The following SHISAL1 variants were observed in gnomAD, a reference collection of about 807,000 sequenced individuals.
SHISAL1 encodes protein shisa-like-1.
A neutral mutation model predicts 22.6 loss-of-function variants in SHISAL1; 9 were observed. The observed-to-expected ratio is 0.40, with a 90% CI of 0.24 to 0.70. The LOEUF is 0.70. SHISAL1 is among the 30% of genes least tolerant of loss of function. The pLI is 0.39. For missense variants in SHISAL1, 246 were observed against 270.6 expected (o/e 0.91, Z 0.64); for synonymous variants, 119 against 115.4 (o/e 1.03, Z -0.20).
chr22:44,330,807 G>C, the SHISAL1 span, among the ~76,000 whole-genome samples: 1 of 152,166 alleles, frequency 6.6e-6, no homozygotes, highest in African/African-American at 2.4e-5. Flanking sequence ...CCGCCGGGCC[G>C]GGCCACCCCA....
At chr22:44,292,861 C>T (rs1193798778) in intron 3 of SHISAL1, among the ~76,000 whole-genome samples, 1 of 152,234 alleles carries the variant, frequency 6.6e-6, no homozygotes, top group Non-Finnish European at 1.5e-5. Context: ...TCAGTGGGGT[C>T]CAGGTCTGGC....
chr22:44,266,211 T>C (rs1205399066), intron 4 of SHISAL1, among the ~76,000 whole-genome samples: 1 of 152,156 alleles, frequency 6.6e-6, no homozygotes, highest in African/African-American at 2.4e-5. Flanking sequence ...TAACAACGCT[T>C]GGCACACAGA....
intron 4 of SHISAL1, among the ~76,000 whole-genome samples, chr22:44,274,403 A>G (rs2055225510): frequency 6.6e-6 from 1 of 152,198 alleles, no homozygotes; most frequent in South Asian, 2.1e-4. Context: ...CCCTGGACTC[A>G]GGAATCTCCC....
intron 4 of SHISAL1, among the ~76,000 whole-genome samples, chr22:44,252,173 G>A (rs376650471): frequency 6.6e-6 from 1 of 152,250 alleles, no homozygotes; most frequent in Middle Eastern, 3.4e-3. Context: ...AAGCAGGGAG[G>A]TGATATAAGT....
chr22:44,285,666 A>G lies in SHISAL1; in HGVS notation c.361T>C (p.Ser121Pro). ...TTGCAGATGTCGTAGTTCATTGCCG[A>G]GTAATACAAAAGGTCCAGAACCAGC... Reference protein sequence around the residue: ...MLLVLDLLYYSAMNYDICKVY... With the variant: ...MLLVLDLLYYPAMNYDICKVY... The change falls in exon 4 of 5, where the codon TCG becomes CCG. Residue 121 changes from serine to proline, a missense_variant. This residue lies in a region of SHISAL1 where 136 missense variants were observed against 117.5 expected (regional missense o/e 1.16). Coordinates refer to ENST00000381176, the MANE Select transcript of SHISAL1 (RefSeq NM_001099294.2). The G allele has an allele frequency of 6.2e-7, 1 of 1,614,206 alleles. No individual in the cohort carries two copies. The highest frequency in any genetic ancestry group is 2.2e-5 in the East Asian group (1 of 44,886).
chr22:44,320,558 C>T, the SHISAL1 span, among the ~76,000 whole-genome samples: 1 of 152,360 alleles, frequency 6.6e-6, no homozygotes. Flanking sequence ...CACTCCACTG[C>T]TTCTAAATCG....
chr22:44,260,421 T>C (rs1183485140), intron 4 of SHISAL1, among the ~76,000 whole-genome samples: 3 of 152,184 alleles, frequency 2.0e-5, no homozygotes, highest in Non-Finnish European at 2.9e-5. Context: ...GACAATTCAG[T>C]CTCTGGCCTT....
chr22:44,329,459 A>ACG, the SHISAL1 span, among the ~76,000 whole-genome samples: 6 of 151,772 alleles, frequency 4.0e-5, no homozygotes, highest in African/African-American at 9.7e-5. Flanking sequence ...ACACACACAC[A>ACG]CACACGCGCG....
intron 4 of SHISAL1, among the ~76,000 whole-genome samples, chr22:44,281,594 G>A (rs2055277297): frequency 6.6e-6 from 1 of 152,186 alleles, no homozygotes; most frequent in Non-Finnish European, 1.5e-5. Context: ...AGGAGACACC[G>A]TTAGGTGACG....
intron 1 of SHISAL1, among the ~76,000 whole-genome samples, chr22:44,308,056 G>A (rs1266657427): frequency 6.6e-6 from 1 of 152,202 alleles, no homozygotes; most frequent in Non-Finnish European, 1.5e-5. Context: ...TAGGGCAGCA[G>A]GGCTTGGGGG....
At chr22:44,291,806 G>T (rs993299770) in intron 3 of SHISAL1, among the ~76,000 whole-genome samples, 2 of 151,548 alleles carry the variant, frequency 1.3e-5, no homozygotes, top group Non-Finnish European at 2.9e-5. Context: ...TCCCCTGCAC[G>T]CCCTGGCCCA....
rs773138130 is a variant in SHISAL1, at chr22:44,276,486, CAGGG to C, written c.599+8938_599+8941del. Among the ~76,000 whole-genome samples the C allele has an allele frequency of 2.3e-3, 354 of 151,030 alleles. 1 individual carries two copies. The highest frequency in any genetic ancestry group is 4.1e-3 in the Non-Finnish European group (279 of 67,892). On this transcript the variant is annotated intron_variant, in intron 4 of 4. Transcript: ENST00000381176. ...TGCTGTCGGGGACAAAGGCTGGTGT[CAGGG>C]AGATATGTGGAGGCAGCTGCCTCCA... is the stretch of plus-strand genomic sequence containing the variant.
At chr22:44,296,181 G>A (rs140407224) in intron 3 of SHISAL1, among the ~76,000 whole-genome samples, 2,092 of 137,862 alleles carry the variant, frequency 0.015, 41 homozygotes, top group African/African-American at 0.053. Flanking sequence ...TTTTTGAGAC[G>A]GAGTTTCACT....
At chr22:44,263,079 CTTTTTTTTTTTT>C (rs922017518) in intron 4 of SHISAL1, among the ~76,000 whole-genome samples, 1 of 88,252 alleles carries the variant, frequency 1.1e-5, no homozygotes, top group African/African-American at 4.1e-5. Flanking sequence ...TTCTTTCTTT[CTTTTTTTTTTTT>C]TTTTTTTTGG....
chr22:44,326,283 C>T, the SHISAL1 span, among the ~76,000 whole-genome samples: 24 of 152,238 alleles, frequency 1.6e-4, 1 homozygote, highest in East Asian at 2.9e-3. Context: ...TCTAAGAAAA[C>T]GGCACTTTAT....
chr22:44,260,905 C>T (rs1303884746), intron 4 of SHISAL1, among the ~76,000 whole-genome samples: 2 of 151,906 alleles, frequency 1.3e-5, no homozygotes, highest in Admixed American at 1.3e-4. Context: ...GGCAATGTGG[C>T]TTCGGTCACT....
At chr22:44,297,549 A>G (rs1309091777) in intron 2 of SHISAL1, among the ~76,000 whole-genome samples, 1 of 152,180 alleles carries the variant, frequency 6.6e-6, no homozygotes, top group African/African-American at 2.4e-5. Flanking sequence ...AAGGTCCCCA[A>G]GGGCCTGCCT....
intron 4 of SHISAL1, among the ~76,000 whole-genome samples, chr22:44,277,458 C>CAAAACAA (rs1268773976): frequency 1.4e-5 from 2 of 140,502 alleles, no homozygotes; most frequent in Non-Finnish European, 2.9e-5. Flanking sequence ...CCAAACAAAA[C>CAAAACAA]AAAACAAAAC....
chr22:44,281,489 G>A (rs565524119), intron 4 of SHISAL1, among the ~76,000 whole-genome samples: 12 of 152,170 alleles, frequency 7.9e-5, no homozygotes, highest in South Asian at 2.1e-4. Flanking sequence ...CTCCTGCCGC[G>A]CTGTGAACTG....
Sources: gnomAD v4.1 joint callset for allele counts (sites outside exome capture counted in the v4.1 genomes callset) on GRCh38, gnomAD v4.1.1 for gene constraint, gnomAD v4.1.1 regional missense constraint, MANE v1.5 for transcripts, NCBI Gene and HGNC (gene_info 2026-07-23, HGNC 2026-07-21) for gene names.